AGBL4: variants seen among roughly 807,000 people sequenced by gnomAD.
The protein encoded by AGBL4 is cytosolic carboxypeptidase 6.
Under a neutral mutation model 66.4 loss-of-function variants are expected in AGBL4, and 58 were observed. The observed-to-expected ratio is 0.87, with a 90% CI of 0.71 to 1.09. The LOEUF (loss-of-function observed/expected upper bound fraction) is 1.09. Among genes scored for constraint, AGBL4 ranks in the 50% least tolerant of loss-of-function variants. AGBL4 has a pLI of 0.00. For synonymous variants in AGBL4, 234 were observed against 222.9 expected (o/e 1.05, Z -0.44); for missense variants, 579 against 631.0 (o/e 0.92, Z 0.88).
chr1:49,990,288 T>C (rs1190166027), intron 1 of AGBL4, among the ~76,000 whole-genome samples: 3 of 152,162 alleles, frequency 2.0e-5, no homozygotes, highest in Non-Finnish European at 4.4e-5. Context: ...CCCCAGGTGT[T>C]GAGAGAGGAA....
At chr1:49,424,058 C>T (rs2148646733) in intron 3 of AGBL4, among the ~76,000 whole-genome samples, 1 of 152,240 alleles carries the variant, frequency 6.6e-6, no homozygotes, top group Non-Finnish European at 1.5e-5. Flanking sequence ...AAACACATCC[C>T]CAACACCCTC....
chr1:49,252,776 A>G (rs1652175774), intron 3 of AGBL4, among the ~76,000 whole-genome samples: 1 of 152,160 alleles, frequency 6.6e-6, no homozygotes, highest in African/African-American at 2.4e-5. Context: ...AATAAAAGAA[A>G]TTTCAACCCA....
At chr1:49,862,691 G>C (rs369912178) in intron 1 of AGBL4, among the ~76,000 whole-genome samples, 1 of 152,110 alleles carries the variant, frequency 6.6e-6, no homozygotes, top group Non-Finnish European at 1.5e-5. Context: ...TACACCTGGC[G>C]GCAGACTTTT....
intron 6 of AGBL4, among the ~76,000 whole-genome samples, chr1:48,666,137 C>A (rs534639032): frequency 2.0e-5 from 3 of 152,256 alleles, no homozygotes; most frequent in Admixed American, 1.3e-4. Context: ...CATCTTTAGG[C>A]AAAATGGATG....
At chr1:48,984,134 T>C (rs1384261845) in intron 5 of AGBL4, among the ~76,000 whole-genome samples, 1 of 151,972 alleles carries the variant, frequency 6.6e-6, no homozygotes, top group Non-Finnish European at 1.5e-5. Context: ...GCTATAAGAA[T>C]TCACCAAAGA....
At chr1:49,913,635 C>G (rs1651085471) in intron 1 of AGBL4, among the ~76,000 whole-genome samples, 1 of 152,258 alleles carries the variant, frequency 6.6e-6, no homozygotes, top group African/African-American at 2.4e-5. Context: ...AGGCTTTACA[C>G]TGATAAGTAC....
chr1:48,623,945 C>CT (rs1192356057), intron 9 of AGBL4, among the ~76,000 whole-genome samples: 4 of 152,124 alleles, frequency 2.6e-5, no homozygotes, highest in Non-Finnish European at 5.9e-5. Context: ...CACAGAGACT[C>CT]TTTTTTAGCT....
rs11205673 is a variant in AGBL4 at position 50,017,854 on chromosome 1, C to A, written c.34+5909G>T. 2.1e-3 allele frequency among the ~76,000 whole-genome samples: 315 copies of A among 152,198 alleles called. 4 individuals carry two copies. The highest frequency in any genetic ancestry group is 7.1e-3 in the African/African-American group (293 of 41,526). On this transcript the variant is annotated intron_variant, in intron 1 of 13. Transcript: ENST00000371839. Reference sequence around the variant, plus strand: ...AGCAACATGCAATTTATCCATATAACAAACCTGTGTATGTACCCCATGAGC... The same window carrying A: ...AGCAACATGCAATTTATCCATATAAAAAACCTGTGTATGTACCCCATGAGC...
At chr1:49,499,370 A>G (rs998190870) in intron 3 of AGBL4, among the ~76,000 whole-genome samples, 2 of 151,866 alleles carry the variant, frequency 1.3e-5, no homozygotes, top group African/African-American at 4.8e-5. Flanking sequence ...TTTTATTATT[A>G]TTATTATTTC....
intron 4 of AGBL4, among the ~76,000 whole-genome samples, chr1:49,075,122 GTT>G (rs1198060621): frequency 6.6e-6 from 1 of 152,096 alleles, no homozygotes; most frequent in African/African-American, 2.4e-5. Flanking sequence ...TGAACATAAT[GTT>G]TTTTGAACAT....
chr1:49,389,187 G>T (rs1644797993), intron 3 of AGBL4, among the ~76,000 whole-genome samples: 2 of 152,142 alleles, frequency 1.3e-5, no homozygotes, highest in Middle Eastern at 3.4e-3. Flanking sequence ...TAAGAATGGG[G>T]AATGAGTTGG....
chr1:49,737,423 A>G (rs2124733907), intron 2 of AGBL4, among the ~76,000 whole-genome samples: 1 of 152,328 alleles, frequency 6.6e-6, no homozygotes, highest in Non-Finnish European at 1.5e-5. Flanking sequence ...AAGTGAACTA[A>G]CACAGAAACA....
chr1:49,260,678 C>A lies in AGBL4; in HGVS notation c.283-14814G>T, dbSNP rs1388183955. ...GTGGCAAAAATCAATAACTTACCAA[C>A]CAAAAAGAGTCCAGGACCAGATGGA... On this transcript the variant is annotated intron_variant, in intron 3 of 13. Transcript: ENST00000371839. Among the ~76,000 whole-genome samples, 3 of 152,164 alleles carry A rather than the reference C, an allele frequency of 2.0e-5. No homozygotes were observed. The East Asian group carries it at 5.8e-4, about 29-fold the overall frequency.
intron 2 of AGBL4, among the ~76,000 whole-genome samples, chr1:49,834,090 G>A (rs1051845628): frequency 1.3e-5 from 2 of 152,096 alleles, no homozygotes; most frequent in Non-Finnish European, 2.9e-5. Flanking sequence ...GGATTATGAT[G>A]ACCTGATAAA....
chr1:49,694,019 C>G (rs1646937097), intron 3 of AGBL4, among the ~76,000 whole-genome samples: 1 of 152,084 alleles, frequency 6.6e-6, no homozygotes, highest in African/African-American at 2.4e-5. Context: ...ATGCTGCGAG[C>G]TTTTATTATT....
chr1:49,063,782 T>C (rs184235456), intron 4 of AGBL4, among the ~76,000 whole-genome samples: 239 of 152,330 alleles, frequency 1.6e-3, no homozygotes, highest in Non-Finnish European at 2.7e-3. Context: ...GGAGTAGGCC[T>C]GTTGGATTTC....
chr1:48,621,847 T>C (rs1200486562), intron 9 of AGBL4, among the ~76,000 whole-genome samples: 2 of 152,170 alleles, frequency 1.3e-5, no homozygotes, highest in Admixed American at 6.5e-5. Flanking sequence ...AAATCCTTAT[T>C]CACACTTCAG....
At chr1:49,339,933 A>C (rs564514444) in intron 3 of AGBL4, among the ~76,000 whole-genome samples, 1 of 152,246 alleles carries the variant, frequency 6.6e-6, no homozygotes, top group Non-Finnish European at 1.5e-5. Flanking sequence ...TATTGGTTGG[A>C]TATTCATCAA....
intron 2 of AGBL4, among the ~76,000 whole-genome samples, chr1:49,841,326 T>A (rs182218187): frequency 6.6e-6 from 1 of 152,234 alleles, no homozygotes; most frequent in East Asian, 1.9e-4. Context: ...TACAAAACAC[T>A]GCTGAAAGAA....
Sources: gnomAD v4.1 joint callset for allele counts (sites outside exome capture counted in the v4.1 genomes callset) on GRCh38, gnomAD v4.1.1 for gene constraint, MANE v1.5 for transcripts, NCBI Gene and HGNC (gene_info 2026-07-23, HGNC 2026-07-21) for gene names.